LRBA: variants seen among roughly 807,000 people sequenced by gnomAD.
LRBA encodes the protein lipopolysaccharide-responsive and beige-like anchor protein.
A neutral mutation model predicts 330.0 loss-of-function variants in LRBA; 176 were observed. That is an observed-to-expected ratio of 0.53 (90% CI 0.47 to 0.60). The LOEUF is 0.60. Ranked by LOEUF, LRBA falls within the 20% of genes least tolerant of loss-of-function variation. LRBA has a pLI of 0.00. For missense variants in LRBA, 3,259 were observed against 3,444.8 expected (o/e 0.95, Z 1.35); for synonymous variants, 1,230 against 1,193.0 (o/e 1.03, Z -0.64).
chr4:150,638,762 A>G (rs1220276073), intron 37 of LRBA, among the ~76,000 whole-genome samples: 1 of 126,462 alleles, frequency 7.9e-6, no homozygotes, highest in Non-Finnish European at 1.6e-5. Context: ...GTGGGACTGT[A>G]AACTAGTTCA....
At chr4:150,791,822 A>G (rs1305114622) in intron 34 of LRBA, among the ~76,000 whole-genome samples, 1 of 151,958 alleles carries the variant, frequency 6.6e-6, no homozygotes, top group Non-Finnish European at 1.5e-5. Flanking sequence ...AGCTCAGGAG[A>G]TCGAGACCAT....
In LRBA at chr4:150,583,090, C is replaced by T. The variant is rs1771608986; in HGVS notation, c.6330+4958G>A. ...CAATAAGTACTACACTGAGCGCTGT[C>T]AGGCGCGCAAGGCGGCCATCGCCAA... On this transcript the variant is annotated intron_variant, in intron 40 of 56. Transcript: ENST00000651943. The surrounding 1 kb of genome is among the most constrained non-coding windows in gnomAD (Gnocchi z 9.8). 6.2e-7 allele frequency: 1 copy of T among 1,613,952 alleles called. No individual in the cohort carries two copies. The highest frequency in any genetic ancestry group is 8.5e-7 in the Non-Finnish European group (1 of 1,179,976).
intron 36 of LRBA, among the ~76,000 whole-genome samples, chr4:150,726,832 A>T (rs1192565096): frequency 6.6e-6 from 1 of 152,072 alleles, no homozygotes; most frequent in Non-Finnish European, 1.5e-5. Flanking sequence ...GGGGACACAG[A>T]GCCAAACCAT....
At chr4:150,815,859 A>G (rs1219709697) in intron 31 of LRBA, among the ~76,000 whole-genome samples, 5 of 151,950 alleles carry the variant, frequency 3.3e-5, no homozygotes, top group Non-Finnish European at 5.9e-5. Flanking sequence ...AGAATTGCAT[A>G]TAACTTTCTT....
At position 150,824,083 on chromosome 4, in the gene LRBA, T is replaced by G. The variant is rs181206812; in HGVS notation, c.5171+4097A>C. 1.9e-4 allele frequency among the ~76,000 whole-genome samples: 29 copies of G among 152,306 alleles called. No individual in the cohort carries two copies. The East Asian group carries it at 5.6e-3, about 29-fold the overall frequency. On this transcript the variant is annotated intron_variant, in intron 30 of 56. Coordinates refer to ENST00000651943, the MANE Select transcript of LRBA (RefSeq NM_001364905.1). The stretch of plus-strand genomic sequence containing the variant: ...CATGAATATGAAATATCTTTCATTT[T>G]GGGGGTCCTTTTTAGTTTTTGCATC...
chr4:150,730,042 A>G (rs1198255099), intron 36 of LRBA, among the ~76,000 whole-genome samples: 1 of 152,206 alleles, frequency 6.6e-6, no homozygotes, highest in African/African-American at 2.4e-5. Context: ...CTGTGAAACT[A>G]CTACAAAAAA....
Position 150,330,965 on chromosome 4 carries a change from G to A in LRBA, c.7363-5067C>T, listed in dbSNP as rs571020232. On this transcript the variant is annotated intron_variant, in intron 48 of 56. Transcript: ENST00000651943. ...GAGGGCTGACTGAGGTTGCAGGGGA[G>A]GATAAGGAGTGTTAAGTAAAGGCTG... Among the ~76,000 whole-genome samples, 12 of 152,232 alleles carry A rather than the reference G, an allele frequency of 7.9e-5. No homozygotes were observed. In the South Asian group the frequency reaches 2.5e-3, roughly 32 times the overall value.
intron 42 of LRBA, among the ~76,000 whole-genome samples, chr4:150,475,605 T>C (rs1343850138): frequency 6.6e-6 from 1 of 152,076 alleles, no homozygotes; most frequent in Non-Finnish European, 1.5e-5. Context: ...TTTTAATTTC[T>C]GTAGGCTCAG....
chr4:150,375,260 T>C (rs1400207302), intron 47 of LRBA, among the ~76,000 whole-genome samples: 1 of 152,076 alleles, frequency 6.6e-6, no homozygotes, highest in Non-Finnish European at 1.5e-5. Flanking sequence ...TGTCTCCTGT[T>C]TTTCATAGTG....
At chr4:150,634,253 A>C (rs1015321601) in intron 37 of LRBA, among the ~76,000 whole-genome samples, 22 of 152,210 alleles carry the variant, frequency 1.4e-4, no homozygotes, top group African/African-American at 5.3e-4. Flanking sequence ...CAGTTTTGTC[A>C]TTCTTCATAG....
intron 47 of LRBA, among the ~76,000 whole-genome samples, chr4:150,381,229 C>T (rs1742215454): frequency 6.6e-6 from 1 of 152,124 alleles, no homozygotes; most frequent in Non-Finnish European, 1.5e-5. Flanking sequence ...CCACAGAATT[C>T]ATCCTTTAAA....
At chr4:150,946,622 G>A (rs1457788177) in intron 2 of LRBA, among the ~76,000 whole-genome samples, 1 of 151,834 alleles carries the variant, frequency 6.6e-6, no homozygotes, top group Non-Finnish European at 1.5e-5. Context: ...TACCTGAGAG[G>A]GAAATTTGTA....
chr4:150,340,356 C>T lies in LRBA; in HGVS notation c.7362+9636G>A, dbSNP rs577354244. Reference sequence around the variant, plus strand: ...ATTGATACAGATTGCTATAAAGATTCAACCTATTTTCATCCTCACCAAATA... The same window carrying T: ...ATTGATACAGATTGCTATAAAGATTTAACCTATTTTCATCCTCACCAAATA... On this transcript the variant is annotated intron_variant, in intron 48 of 56. Transcript: ENST00000651943. 1.2e-3 allele frequency among the ~76,000 whole-genome samples: 188 copies of T among 152,124 alleles called. 1 individual carries two copies. Among genetic ancestry groups the T allele is most frequent in the Non-Finnish European group, 8.8e-4 (60 of 68,032 alleles).
Position 150,867,762 on chromosome 4 carries a change from G to T in LRBA, c.2675C>A (p.Ala892Asp), listed in dbSNP as rs1444366487. 5 of 1,613,326 alleles carry T rather than the reference G, an allele frequency of 3.1e-6. No homozygotes were observed. The highest frequency in any genetic ancestry group is 1.6e-4 in the Middle Eastern group (1 of 6,082). The change falls in exon 22 of 57, where the codon GCC becomes GAC. Residue 892 changes from alanine to aspartate, a missense_variant. Ala to Asp is a moderately radical substitution (Grantham distance 126). Transcript: ENST00000651943. ...ATGGTAAAGCAGGATTCTGAATATG[G>T]CGTATACCATTTCTGTTATCTTTTG... ...DEQKITEMVY[A>D]IFRILLYHAV... is the part of the protein sequence containing the mutation.
chr4:150,662,829 G>C (rs1181413501), intron 37 of LRBA, among the ~76,000 whole-genome samples: 5 of 151,940 alleles, frequency 3.3e-5, no homozygotes, highest in African/African-American at 4.8e-5. Context: ...TTAGCCATGG[G>C]TGGTAGCAGT....
At chr4:150,553,724 G>C (rs1766923262) in intron 40 of LRBA, among the ~76,000 whole-genome samples, 1 of 152,174 alleles carries the variant, frequency 6.6e-6, no homozygotes, top group South Asian at 2.1e-4. Context: ...ACACCAGATT[G>C]TGTCAACCTA....
At chr4:150,499,723 T>G (rs916664752) in intron 40 of LRBA, among the ~76,000 whole-genome samples, 3 of 152,078 alleles carry the variant, frequency 2.0e-5, no homozygotes, top group African/African-American at 7.2e-5. Context: ...AGTTAAAATT[T>G]AAGTCACCAC....
In LRBA at chr4:150,852,649, C is replaced by T; in HGVS notation, c.3061G>A (p.Ala1021Thr). 6.2e-7 allele frequency: 1 copy of T among 1,614,084 alleles called. No homozygotes were observed. The highest frequency in any genetic ancestry group is 1.1e-5 in the South Asian group (1 of 91,082). Residue 1021 changes from alanine (A) to threonine (T), a missense_variant, in exon 23 of 57, where the codon GCT (alanine) becomes ACT (threonine). Physicochemically the swap from Ala to Thr is moderately conservative, Grantham distance 58. Coordinates refer to ENST00000651943, the MANE Select transcript of LRBA (RefSeq NM_001364905.1). Reference protein sequence around the residue: ...TTNTSYEEMKAEQENQELPDE... With the variant: ...TTNTSYEEMKTEQENQELPDE... ...GGTAACTCCTGATTTTCTTGCTCAG[C>T]TTTCATTTCTTCATAAGATGTATTA...
At chr4:150,417,612 CCTA>C (rs1487877659) in intron 46 of LRBA, among the ~76,000 whole-genome samples, 1 of 152,106 alleles carries the variant, frequency 6.6e-6, no homozygotes, top group East Asian at 1.9e-4. Context: ...GCTGGTTATA[CCTA>C]CCATGCTCTT....
Sources: gnomAD v4.1 joint callset for allele counts (sites outside exome capture counted in the v4.1 genomes callset) on GRCh38, gnomAD v4.1.1 for gene constraint, Gnocchi (gnomAD v3.1) non-coding constraint, MANE v1.5 for transcripts, NCBI Gene and HGNC (gene_info 2026-07-23, HGNC 2026-07-21) for gene names.